DHX9: variants seen among roughly 807,000 people sequenced by gnomAD.
The protein encoded by DHX9 is ATP-dependent RNA helicase A.
A neutral mutation model predicts 148.7 loss-of-function variants in DHX9; 27 were observed. The observed-to-expected ratio is 0.18, with a 90% CI of 0.13 to 0.25. The LOEUF (loss-of-function observed/expected upper bound fraction) is 0.25, where lower values mean the gene tolerates loss of function less well. Among genes scored for constraint, DHX9 ranks in the 10% least tolerant of loss-of-function variants. The pLI, the probability that DHX9 is intolerant of heterozygous loss-of-function variation, is 1.00. For missense variants in DHX9, 796 were observed against 1,559.6 expected (o/e 0.51, Z 8.25); for synonymous variants, 529 against 516.6 (o/e 1.02, Z -0.33).
chr1:182,848,352 G>A (rs1668070218), intron 3 of DHX9, among the ~76,000 whole-genome samples: 1 of 152,198 alleles, frequency 6.6e-6, no homozygotes, highest in Non-Finnish European at 1.5e-5. Flanking sequence ...TGAAGGCCAG[G>A]GATGCTGCTA....
At chr1:182,850,284 CAG>C (rs1201081424) in intron 3 of DHX9, among the ~76,000 whole-genome samples, 1 of 152,062 alleles carries the variant, frequency 6.6e-6, no homozygotes, top group Non-Finnish European at 1.5e-5. Flanking sequence ...GCCTTGGTGA[CAG>C]AGCCAGACCC....
chr1:182,843,489 A>G, intron 3 of DHX9, 55 bp downstream of exon 3: 1 of 1,444,598 alleles, frequency 6.9e-7, no homozygotes, highest in South Asian at 1.4e-5. Flanking sequence ...GTACAAACTC[A>G]ATATGCGTAA....
At chr1:182,858,022 T>C (rs1425575743) in intron 7 of DHX9, 82 bp from the exon 8 acceptor site, 9 of 1,438,150 alleles carry the variant, frequency 6.3e-6, no homozygotes, top group Non-Finnish European at 8.5e-6. Flanking sequence ...CTTGTGTACG[T>C]AAGCCCATAG....
rs763542141 is a variant in DHX9, at chr1:182,887,465, C to T, written c.*31C>T. 1.4e-5 allele frequency: 22 copies of T among 1,570,446 alleles called. No homozygotes were observed. Among genetic ancestry groups the T allele is most frequent in the Non-Finnish European group, 1.8e-5 (21 of 1,154,674 alleles). On this transcript the variant is annotated 3_prime_UTR_variant, in exon 28 of 28. Coordinates refer to ENST00000367549, the MANE Select transcript of DHX9 (RefSeq NM_001357.5). ...GGTTATGTCAGTTCCTGTGTGTAGA[C>T]AGTAAGGAAAAAAAGGCATGCTATG...
At chr1:182,851,177 G>C (rs768917151) in intron 3 of DHX9, among the ~76,000 whole-genome samples, 8 of 152,054 alleles carry the variant, frequency 5.3e-5, no homozygotes, top group Non-Finnish European at 8.8e-5. Flanking sequence ...AAGCTCTCTA[G>C]AAGAAAGCAG....
intron 15 of DHX9, among the ~76,000 whole-genome samples, chr1:182,873,674 G>T (rs1450705753): frequency 6.6e-6 from 1 of 152,230 alleles, no homozygotes; most frequent in Admixed American, 6.5e-5. Flanking sequence ...ATAGATAGGT[G>T]TGGATACATG....
intron 1 of DHX9, among the ~76,000 whole-genome samples, chr1:182,840,459 C>T (rs1161057701): frequency 6.6e-6 from 1 of 152,066 alleles, no homozygotes; most frequent in African/African-American, 2.4e-5. Flanking sequence ...GCCACCACGC[C>T]CAGCTAATTT....
intron 1 of DHX9, among the ~76,000 whole-genome samples, chr1:182,841,165 C>T (rs1169205242): frequency 2.6e-5 from 4 of 152,052 alleles, no homozygotes; most frequent in Non-Finnish European, 4.4e-5. Flanking sequence ...GTGGCGGGCG[C>T]CTGTTGTCCC....
At chr1:182,865,494 A>G (rs1648255714) in intron 12 of DHX9, among the ~76,000 whole-genome samples, 1 of 152,268 alleles carries the variant, frequency 6.6e-6, no homozygotes, top group South Asian at 2.1e-4. Context: ...AAAAATCCTT[A>G]TCCATTGCTA....
At chr1:182,858,515 G>GTTATGTCAT in intron 8 of DHX9, 36 bp from the exon 9 acceptor site, 1 of 1,532,900 alleles carries the variant, frequency 6.5e-7, no homozygotes, top group East Asian at 2.3e-5. Context: ...TAGTAGATTT[G>GTTATGTCAT]AGTAGTGTTG....
intron 7 of DHX9, 22 bp from the exon 8 acceptor site, chr1:182,858,080 GAT>G (rs1393492785): frequency 6.2e-7 from 1 of 1,600,294 alleles, no homozygotes; most frequent in Non-Finnish European, 8.5e-7. Context: ...CTTTCTGTCT[GAT>G]AATCCTGACC....
At chr1:182,845,976 A>G (rs1287364983) in intron 3 of DHX9, among the ~76,000 whole-genome samples, 1 of 152,092 alleles carries the variant, frequency 6.6e-6, no homozygotes, top group African/African-American at 2.4e-5. Context: ...AAACTTCATT[A>G]TTCAGTATTG....
chr1:182,843,658 C>T lies in DHX9; in HGVS notation c.252+224C>T, dbSNP rs141296091. On this transcript the variant is annotated intron_variant, in intron 3 of 27. Transcript: ENST00000367549. ...TAGGGGCTTGAGAAATTCCATTAAT[C>T]TTTGTGTCTTATGGCTTTATTTCAT... 4.1e-3 allele frequency among the ~76,000 whole-genome samples: 622 copies of T among 152,234 alleles called. 6 individuals are homozygous for T. The highest frequency in any genetic ancestry group is 0.014 in the African/African-American group (597 of 41,546).
chr1:182,855,413 G>C (rs1047824939), intron 6 of DHX9, among the ~76,000 whole-genome samples: 3 of 152,212 alleles, frequency 2.0e-5, no homozygotes, highest in Admixed American at 2.0e-4. Flanking sequence ...AGTTGGGGGA[G>C]CCAGGACAGC....
chr1:182,874,337 C>T (rs1648672265), intron 15 of DHX9, among the ~76,000 whole-genome samples: 1 of 152,172 alleles, frequency 6.6e-6, no homozygotes, highest in African/African-American at 2.4e-5. Flanking sequence ...TGTGATGAGA[C>T]TGGCACTTTG....
Position 182,860,060 on chromosome 1 carries a change from A to C in DHX9, c.1208A>C (p.Gln403Pro). The part of the protein sequence containing the change: ...FESEILEAIS[Q>P]NSVVIIRGAT... ...AGTGAGATTCTGGAAGCAATCAGCC[A>C]AAATTCAGTTGTCATTATTAGAGGG... The change falls in exon 12 of 28, where the codon CAA becomes CCA. Residue 403 changes from glutamine to proline, a missense_variant. Physicochemically the swap from Gln to Pro is moderately conservative, Grantham distance 76 (BLOSUM62 -1). Transcript: ENST00000367549. 6.2e-7 allele frequency: 1 copy of C among 1,614,052 alleles called. No individual in the cohort carries two copies. The highest frequency in any genetic ancestry group is 8.5e-7 in the Non-Finnish European group (1 of 1,179,978).
intron 1 of DHX9, among the ~76,000 whole-genome samples, chr1:182,840,166 C>T (rs899471001): frequency 6.6e-6 from 1 of 151,938 alleles, no homozygotes; most frequent in Non-Finnish European, 1.5e-5. Context: ...TTTCACTAGC[C>T]CGGGTGTGCA....
chr1:182,847,083 A>G (rs1668045412), intron 3 of DHX9, among the ~76,000 whole-genome samples: 1 of 151,998 alleles, frequency 6.6e-6, no homozygotes, highest in Admixed American at 6.5e-5. Flanking sequence ...CTCTGGTGGC[A>G]TTTCTTTTCA....
At chr1:182,866,366 C>T in intron 12 of DHX9, 78 bp from the exon 13 acceptor site, 1 of 1,486,760 alleles carries the variant, frequency 6.7e-7, no homozygotes, top group Non-Finnish European at 9.2e-7. Context: ...AGATTTACTA[C>T]AATAATCCAA....
Sources: gnomAD v4.1 joint callset for allele counts (sites outside exome capture counted in the v4.1 genomes callset) on GRCh38, gnomAD v4.1.1 for gene constraint, MANE v1.5 for transcripts, NCBI Gene and HGNC (gene_info 2026-07-23, HGNC 2026-07-21) for gene names.